CATSPERT: variants seen among roughly 807,000 people sequenced by gnomAD.
CATSPERT encodes the protein catsper channel auxiliary subunit tau.
chr2:201,505,334 G>C, the CATSPERT span, among the ~76,000 whole-genome samples: 1 of 152,120 alleles, frequency 6.6e-6, no homozygotes, highest in Non-Finnish European at 1.5e-5. Context: ...GCCCACCTCG[G>C]CCTCCCAAAG....
chr2:201,514,584 T>C, the CATSPERT span, among the ~76,000 whole-genome samples: 1 of 152,154 alleles, frequency 6.6e-6, no homozygotes, highest in Non-Finnish European at 1.5e-5. Flanking sequence ...TCAAACATAA[T>C]GGTGTAGTGA....
the CATSPERT span, among the ~76,000 whole-genome samples, chr2:201,604,195 T>C: frequency 6.6e-6 from 1 of 151,728 alleles, no homozygotes; most frequent in African/African-American, 2.4e-5. Flanking sequence ...TGTTTGCTTT[T>C]GTTTCTAGGA....
chr2:201,501,907 T>C, the CATSPERT span, among the ~76,000 whole-genome samples: 1 of 152,238 alleles, frequency 6.6e-6, no homozygotes, highest in Non-Finnish European at 1.5e-5. Context: ...TTGACCCAGT[T>C]ATCTGTGGAT....
the CATSPERT span, among the ~76,000 whole-genome samples, chr2:201,563,276 C>A: frequency 7.0e-6 from 1 of 143,406 alleles, no homozygotes; most frequent in Non-Finnish European, 1.5e-5. Context: ...CGGGCAGAGG[C>A]GCCCCTCACC....
At chr2:201,564,467 G>A in the CATSPERT span, among the ~76,000 whole-genome samples, 9 of 152,124 alleles carry the variant, frequency 5.9e-5, no homozygotes, top group Non-Finnish European at 1.0e-4. Context: ...ACTCACAGAA[G>A]ATCCAGATAA....
chr2:201,513,414 A>C, the CATSPERT span, among the ~76,000 whole-genome samples: 4 of 152,350 alleles, frequency 2.6e-5, no homozygotes, highest in South Asian at 6.2e-4. Context: ...GCTATTATTA[A>C]AATGTCAGAA....
the CATSPERT span, chr2:201,487,436 T>C: frequency 1.5e-6 from 1 of 652,246 alleles, no homozygotes; most frequent in Admixed American, 3.2e-5. Flanking sequence ...TTGTTTTTCA[T>C]TTTAATCAAA....
chr2:201,550,206 G>A, the CATSPERT span: 1 of 152,118 alleles, frequency 6.6e-6, no homozygotes, highest in Non-Finnish European at 1.5e-5. Flanking sequence ...CTATACTATG[G>A]ACAATGCTCA....
chr2:201,560,616 G>A, the CATSPERT span, among the ~76,000 whole-genome samples: 27 of 151,918 alleles, frequency 1.8e-4, no homozygotes, highest in Admixed American at 1.3e-4. Flanking sequence ...CAGGACTTAC[G>A]GGACACTGTT....
At chr2:201,492,051 A>AT in the CATSPERT span, 2 of 1,530,866 alleles carry the variant, frequency 1.3e-6, no homozygotes, top group Non-Finnish European at 1.7e-6. Flanking sequence ...TCTGTTCCTT[A>AT]ATTAAAGATG....
chr2:201,548,319 C>T, the CATSPERT span, among the ~76,000 whole-genome samples: 7 of 152,210 alleles, frequency 4.6e-5, no homozygotes, highest in African/African-American at 1.7e-4. Context: ...TTCTTATATC[C>T]TCACATAGTG....
chr2:201,600,874 C>T, the CATSPERT span, among the ~76,000 whole-genome samples: 1 of 151,950 alleles, frequency 6.6e-6, no homozygotes, highest in African/African-American at 2.4e-5. Context: ...GCCTCAGCCT[C>T]CCGAGTAGCT....
chr2:201,606,862 G>A, the CATSPERT span, among the ~76,000 whole-genome samples: 6 of 147,548 alleles, frequency 4.1e-5, no homozygotes, highest in South Asian at 4.3e-4. Context: ...TCGCGCCACC[G>A]CACTCCAGCT....
chr2:201,584,774 C>A, the CATSPERT span, among the ~76,000 whole-genome samples: 1 of 151,852 alleles, frequency 6.6e-6, no homozygotes, highest in East Asian at 1.9e-4. Context: ...CAGAGCAAGA[C>A]TCTGTCTCAA....
the CATSPERT span, chr2:201,558,098 C>T: frequency 6.6e-6 from 1 of 152,222 alleles, no homozygotes; most frequent in African/African-American, 2.4e-5. Flanking sequence ...ATCGCCACCT[C>T]CCTAGCAACT....
chr2:201,498,226 G>T, the CATSPERT span, among the ~76,000 whole-genome samples: 1 of 152,132 alleles, frequency 6.6e-6, no homozygotes, highest in African/African-American at 2.4e-5. Context: ...AGCCAGTAGT[G>T]GCTCAATCCA....
the CATSPERT span, among the ~76,000 whole-genome samples, chr2:201,551,907 TAA>T: frequency 2.6e-4 from 34 of 132,632 alleles, no homozygotes; most frequent in East Asian, 4.3e-4. Context: ...AAACTCCGTC[TAA>T]AAAAAAAAAA....
At chr2:201,566,893 A>C in the CATSPERT span, among the ~76,000 whole-genome samples, 1 of 152,286 alleles carries the variant, frequency 6.6e-6, no homozygotes, top group African/African-American at 2.4e-5. Flanking sequence ...ATATTACCTC[A>C]TTCACTTTTC....
the CATSPERT span, chr2:201,536,117 C>T: frequency 6.8e-6 from 11 of 1,613,420 alleles, no homozygotes; most frequent in African/African-American, 9.3e-5. Context: ...TTCTGTCTGG[C>T]ATGCTTTCTG....
Sources: allele counts gnomAD v4.1 joint callset (sites outside exome capture counted in the v4.1 genomes callset), GRCh38; gene constraint gnomAD v4.1.1; transcripts MANE v1.5; gene names NCBI Gene and HGNC (gene_info 2026-07-23, HGNC 2026-07-21).